The following FNBP1 variants were observed in gnomAD, a reference collection of about 807,000 sequenced individuals.
The protein encoded by FNBP1 is formin-binding protein 1.
In FNBP1, 26 loss-of-function variants were observed where a neutral mutation model predicts 90.6. The ratio of observed to expected loss-of-function variants is 0.29; its 90% CI spans 0.21 to 0.40. The LOEUF (loss-of-function observed/expected upper bound fraction) is 0.40. Among genes scored for constraint, FNBP1 ranks in the 10% least tolerant of loss-of-function variants. The pLI, the probability that FNBP1 is intolerant of heterozygous loss-of-function variation, is 1.00. For synonymous variants in FNBP1, 260 were observed against 265.2 expected (o/e 0.98, Z 0.19); for missense variants, 635 against 768.0 (o/e 0.83, Z 2.05).
At chr9:129,939,760 C>T (rs1335701677) in intron 6 of FNBP1, among the ~76,000 whole-genome samples, 10 of 151,748 alleles carry the variant, frequency 6.6e-5, no homozygotes, top group East Asian at 1.9e-4. Flanking sequence ...ATAAGATTCC[C>T]GGAGAAAAAA....
upstream of FNBP1, chr9:130,043,272 G>T (rs1225409866): frequency 8.2e-6 from 2 of 245,018 alleles, no homozygotes; most frequent in Non-Finnish European, 1.5e-5. Flanking sequence ...CTGACAGCTC[G>T]CGCACGCGCG....
At chr9:129,965,173 G>A (rs1395170893) in intron 4 of FNBP1, among the ~76,000 whole-genome samples, 1 of 152,128 alleles carries the variant, frequency 6.6e-6, no homozygotes, top group East Asian at 1.9e-4. Flanking sequence ...ATGGCAAAAC[G>A]CCTTAGTCCT....
intron 12 of FNBP1, among the ~76,000 whole-genome samples, chr9:129,905,312 A>ATTTT (rs1554766989): frequency 6.8e-5 from 10 of 146,416 alleles, no homozygotes; most frequent in African/African-American, 2.5e-4. Context: ...ATATATATAT[A>ATTTT]TTTTGTTAAT....
intron 1 of FNBP1, among the ~76,000 whole-genome samples, chr9:130,032,710 A>G (rs895904358): frequency 2.6e-5 from 4 of 152,148 alleles, no homozygotes; most frequent in Non-Finnish European, 5.9e-5. Context: ...CCAGCTTTTT[A>G]GGTGAGGAAA....
chr9:129,996,998 C>T (rs1487001418), intron 1 of FNBP1, among the ~76,000 whole-genome samples: 2 of 151,808 alleles, frequency 1.3e-5, no homozygotes, highest in Non-Finnish European at 2.9e-5. Flanking sequence ...TCCGGCCGGC[C>T]TGTTTTTTTT....
rs1393748848 is a variant in FNBP1, at chr9:129,902,855, C to T, written c.1428+14G>A. 1 of 1,612,772 alleles carries T rather than the reference C, an allele frequency of 6.2e-7. No homozygotes were observed. Among genetic ancestry groups the T allele is most frequent in the South Asian group, 1.1e-5 (1 of 91,026 alleles). On this transcript the variant is annotated intron_variant, in intron 13 of 16. Transcript: ENST00000446176. The stretch of plus-strand genomic sequence containing the variant: ...TCGTTTCCAACAAAGCTTTCCACAA[C>T]AGAAGTTTCATACCTCAAATTTCTG...
At chr9:130,014,235 ATTTC>A (rs1445963737) in intron 1 of FNBP1, among the ~76,000 whole-genome samples, 21 of 148,620 alleles carry the variant, frequency 1.4e-4, no homozygotes, top group South Asian at 8.5e-4. Context: ...TCTATTTCTT[ATTTC>A]TTTCTTTCTT....
intron 4 of FNBP1, among the ~76,000 whole-genome samples, chr9:129,959,458 G>A (rs2047461792): frequency 1.3e-5 from 2 of 151,910 alleles, no homozygotes; most frequent in Non-Finnish European, 2.9e-5. Context: ...GCGTGGTGGT[G>A]CGTGCCTGTA....
chr9:129,914,021 A>C (rs913227828), intron 11 of FNBP1, among the ~76,000 whole-genome samples: 2 of 151,500 alleles, frequency 1.3e-5, no homozygotes, highest in Non-Finnish European at 2.9e-5. Flanking sequence ...ATGCCTGGCT[A>C]ATTTTTGTAT....
intron 7 of FNBP1, among the ~76,000 whole-genome samples, chr9:129,927,925 T>C (rs984243800): frequency 2.0e-5 from 3 of 152,142 alleles, no homozygotes; most frequent in South Asian, 2.1e-4. Context: ...ACCTGGCCAA[T>C]AGTTTTATTA....
intron 4 of FNBP1, among the ~76,000 whole-genome samples, chr9:129,968,165 C>A (rs1204163283): frequency 1.3e-5 from 2 of 152,094 alleles, no homozygotes; most frequent in Non-Finnish European, 2.9e-5. Flanking sequence ...GAGGCCGAGG[C>A]AGGCAGATCA....
At chr9:130,048,744 C>T in the FNBP1 span, among the ~76,000 whole-genome samples, 2 of 149,456 alleles carry the variant, frequency 1.3e-5, no homozygotes, top group African/African-American at 2.5e-5. Flanking sequence ...TCCCAAAGTG[C>T]TGGGATTACA....
At chr9:129,891,703 G>A (rs768269494) in intron 16 of FNBP1, among the ~76,000 whole-genome samples, 2 of 152,152 alleles carry the variant, frequency 1.3e-5, no homozygotes, top group Non-Finnish European at 1.5e-5. Flanking sequence ...CTGAGTGCAC[G>A]CAAGATCAGA....
chr9:129,903,612 A>T (rs1450734374), intron 12 of FNBP1, among the ~76,000 whole-genome samples: 1 of 152,210 alleles, frequency 6.6e-6, no homozygotes. Context: ...CCACACAGAT[A>T]AAATAAATAA....
chr9:129,968,395 C>CAAAAA (rs775896038), intron 4 of FNBP1, among the ~76,000 whole-genome samples: 1 of 69,128 alleles, frequency 1.4e-5, no homozygotes, highest in Non-Finnish European at 3.1e-5. Context: ...AACTCCGTCT[C>CAAAAA]AAAAAAAAAA....
At chr9:129,998,954 G>C (rs1350721952) in intron 1 of FNBP1, among the ~76,000 whole-genome samples, 1 of 152,186 alleles carries the variant, frequency 6.6e-6, no homozygotes, top group African/African-American at 2.4e-5. Flanking sequence ...ATGAGCTGGT[G>C]CTTGTTTGTG....
intron 4 of FNBP1, among the ~76,000 whole-genome samples, chr9:129,963,431 A>T (rs1034608127): frequency 9.2e-5 from 14 of 152,246 alleles, no homozygotes; most frequent in African/African-American, 3.4e-4. Context: ...TATATAATAA[A>T]TATGCATTTG....
At chr9:129,926,442 A>AATG (rs2041922657) in intron 8 of FNBP1, among the ~76,000 whole-genome samples, 1 of 152,300 alleles carries the variant, frequency 6.6e-6, no homozygotes. Context: ...CCCAGAGGAC[A>AATG]TGTGACAATG....
intron 1 of FNBP1, among the ~76,000 whole-genome samples, chr9:130,010,052 C>T (rs1195139430): frequency 1.3e-5 from 2 of 151,606 alleles, no homozygotes; most frequent in Non-Finnish European, 2.9e-5. Flanking sequence ...GGAAAAAACG[C>T]TAATCTGCAG....
Sources: allele counts gnomAD v4.1 joint callset (sites outside exome capture counted in the v4.1 genomes callset), GRCh38; gene constraint gnomAD v4.1.1; transcripts MANE v1.5; gene names NCBI Gene and HGNC (gene_info 2026-07-23, HGNC 2026-07-21).